The following AMPD1 variants were observed in gnomAD, a reference collection of about 807,000 sequenced individuals.
AMPD1 encodes adenosine monophosphate deaminase 1, also known as AMP deaminase 1.
In AMPD1, 74 loss-of-function variants were observed where a neutral mutation model predicts 82.9. The observed-to-expected ratio is 0.89, with a 90% CI of 0.74 to 1.08. The LOEUF (loss-of-function observed/expected upper bound fraction) is 1.08. Ranked by LOEUF, AMPD1 falls within the 50% of genes least tolerant of loss-of-function variation. The pLI is 0.00. For synonymous variants in AMPD1, 333 were observed against 320.5 expected, an observed-to-expected ratio of 1.04 and a Z score of -0.42; for missense variants, 881 against 924.5, an observed-to-expected ratio of 0.95 and a Z score of 0.61.
intron 4 of AMPD1, among the ~76,000 whole-genome samples, chr1:114,685,266 T>C (rs1658279791): frequency 6.6e-6 from 1 of 152,166 alleles, no homozygotes; most frequent in Non-Finnish European, 1.5e-5. Context: ...TGCCACCTAA[T>C]AGGCCACTAG....
chr1:114,689,264 G>A (rs755861737), intron 2 of AMPD1, among the ~76,000 whole-genome samples: 7 of 152,148 alleles, frequency 4.6e-5, no homozygotes, highest in Non-Finnish European at 8.8e-5. Context: ...GACAGATACT[G>A]TGTTTCTCTC....
intron 2 of AMPD1, among the ~76,000 whole-genome samples, chr1:114,690,109 C>T (rs1557974580): frequency 6.6e-6 from 1 of 152,118 alleles, no homozygotes; most frequent in Non-Finnish European, 1.5e-5. Flanking sequence ...CTATACAGAC[C>T]TGCAAAAGTC....
chr1:114,678,099 A>T (rs1381355502), intron 8 of AMPD1, 58 bp from the exon 9 acceptor site: 20 of 1,608,128 alleles, frequency 1.2e-5, no homozygotes, highest in Non-Finnish European at 1.7e-5. Context: ...GGACAGAGAG[A>T]GCTAGGAAAT....
chr1:114,690,763 C>T (rs185672223), intron 2 of AMPD1, among the ~76,000 whole-genome samples: 21 of 152,198 alleles, frequency 1.4e-4, no homozygotes, highest in Admixed American at 1.2e-3. Context: ...CTAAGCATCA[C>T]GAGCAAGCAC....
At chr1:114,683,771 G>A (rs975572298) in intron 5 of AMPD1, among the ~76,000 whole-genome samples, 1 of 152,138 alleles carries the variant, frequency 6.6e-6, no homozygotes, top group African/African-American at 2.4e-5. Flanking sequence ...GGGGCCAGAG[G>A]GTGTGGGCCT....
intron 4 of AMPD1, 135 bp downstream of exon 4, chr1:114,686,610 T>G: frequency 1.1e-6 from 1 of 873,736 alleles, no homozygotes; most frequent in Non-Finnish European, 1.9e-6. Flanking sequence ...AGTATTGAAA[T>G]GCAATAATGA....
At position 114,678,409 on chromosome 1, in the gene AMPD1, A is replaced by G. The variant is rs1262347284; in HGVS notation, c.1016T>C (p.Leu339Pro). 6.2e-7 allele frequency: 1 copy of G among 1,614,204 alleles called. No homozygotes were observed. Among genetic ancestry groups the G allele is most frequent in the Non-Finnish European group, 8.5e-7 (1 of 1,180,024 alleles). ...TTTAGCAAAAAGTTCCTTTAGGGTCAGATTCTTCTCTTTGGTGCTATAGAC... is the reference window on the plus strand; with the variant it reads ...TTTAGCAAAAAGTTCCTTTAGGGTCGGATTCTTCTCTTTGGTGCTATAGAC... ...RVVYSTKEKN[L>P]TLKELFAKLK... The change falls in exon 8 of 16, where the codon CTG (leucine) becomes CCG (proline). Residue 339 changes from leucine to proline, a missense_variant. Coordinates refer to ENST00000520113, the MANE Select transcript of AMPD1 (RefSeq NM_000036.3).
At chr1:114,692,466 A>C (rs1410819860) in intron 2 of AMPD1, among the ~76,000 whole-genome samples, 1 of 152,152 alleles carries the variant, frequency 6.6e-6, no homozygotes, top group African/African-American at 2.4e-5. Context: ...TGGGTGGATC[A>C]CTTGAGGTCA....
Position 114,675,910 on chromosome 1 carries a change from C to T in AMPD1, c.1482G>A (p.Gln494=). The change falls in exon 11 of 16, where the codon CAG becomes CAA. Residue 494 remains glutamine (Q), a synonymous_variant. Coordinates refer to ENST00000520113, the MANE Select transcript of AMPD1 (RefSeq NM_000036.3). ...GGAAGACACTGAGTTCTGGGTCAGC[C>T]TGGGGGTTGATGGTGGCCTCAAACA... ...MPVFEATINP[Q]ADPELSVFLK... The T allele has an allele frequency of 6.2e-7, 1 of 1,614,184 alleles. No individual in the cohort carries two copies. The highest frequency in any genetic ancestry group is 8.5e-7 in the Non-Finnish European group (1 of 1,180,026).
chr1:114,695,305 TTG>T, intron 1 of AMPD1, 143 bp downstream of exon 1: 1 of 1,265,294 alleles, frequency 7.9e-7, no homozygotes, highest in Non-Finnish European at 1.1e-6. Flanking sequence ...TGAAAATATT[TTG>T]TGTTTTCCTG....
intron 5 of AMPD1, 82 bp downstream of exon 5, chr1:114,684,117 A>G (rs1029814082): frequency 2.1e-6 from 3 of 1,412,406 alleles, no homozygotes; most frequent in Admixed American, 1.9e-5. Context: ...TGGATTACTT[A>G]TAATCTAGAG....
At chr1:114,693,390 A>T (rs761845775) in intron 2 of AMPD1, 46 bp downstream of exon 2, 9 of 1,585,148 alleles carry the variant, frequency 5.7e-6, no homozygotes, top group Admixed American at 1.7e-5. Flanking sequence ...TCATTTTTTT[A>T]AATTGATACT....
At chr1:114,685,103 C>T (rs1658272105) in intron 4 of AMPD1, among the ~76,000 whole-genome samples, 1 of 152,156 alleles carries the variant, frequency 6.6e-6, no homozygotes, top group South Asian at 2.1e-4. Context: ...TGTGGGACTA[C>T]CATATGCTTG....
Position 114,673,170 on chromosome 1 carries a change from C to T in AMPD1, c.2188G>A (p.Glu730Lys). 6.2e-7 allele frequency: 1 copy of T among 1,614,124 alleles called. No homozygotes were observed. Among genetic ancestry groups the T allele is most frequent in the Non-Finnish European group, 8.5e-7 (1 of 1,180,002 alleles). ...AAATTGAGTTCATAACACCAGGTTT[C>T]ATAGCGATAGGCCATGCGGATTTGG... is the stretch of plus-strand genomic sequence containing the variant. The part of the protein sequence containing the change: ...VAQIRMAYRY[E>K]TWCYELNLIA... Residue 730 changes from glutamate to lysine, a missense_variant, in exon 16 of 16, where the codon GAA becomes AAA. Physicochemically the swap from Glu to Lys is moderately conservative, Grantham distance 56. Coordinates refer to ENST00000520113, the MANE Select transcript of AMPD1 (RefSeq NM_000036.3).
chr1:114,677,018 T>C (rs994211201), intron 10 of AMPD1, among the ~76,000 whole-genome samples: 1 of 152,082 alleles, frequency 6.6e-6, no homozygotes, highest in Non-Finnish European at 1.5e-5. Context: ...TGGGAAGGAA[T>C]GGACTTGACA....
Position 114,684,218 on chromosome 1 carries a change from T to A in AMPD1, c.528A>T (p.Ala176=). The change falls in exon 5 of 16, where the codon GCA becomes GCT. Residue 176 remains alanine (A), a synonymous_variant. Coordinates refer to ENST00000520113, the MANE Select transcript of AMPD1 (RefSeq NM_000036.3). ...TGTTACCTGGATAGAAGCTCTCATT[T>A]GCTACCCAAGCCTCACCATCAATGT... ...LRNIDGEAWV[A]NESFYPVFTP... 1 of 1,614,220 alleles carries A rather than the reference T, an allele frequency of 6.2e-7. No homozygotes were observed. The highest frequency in any genetic ancestry group is 8.5e-7 in the Non-Finnish European group (1 of 1,180,038).
At position 114,688,628 on chromosome 1, in the gene AMPD1, A is replaced by ATGTCCG. The variant is rs760986384; in HGVS notation, c.147_148insCGGACA (p.Ile49_Ser50insArgThr). The ATGTCCG allele has an allele frequency of 5.0e-6, 8 of 1,614,066 alleles. No homozygotes were observed. The highest frequency in any genetic ancestry group is 1.3e-5 in the African/African-American group (1 of 74,912). ...ATGTGTGCTTGCATCTCATGATGAG[A>ATGTCCG]AATCGGACAGATCTCATCCACATCA... On this transcript the variant is annotated inframe_insertion, in exon 3 of 16. Transcript: ENST00000520113.
Position 114,688,467 on chromosome 1 carries a change from T to G in AMPD1, c.215+94A>C, listed in dbSNP as rs1380515704. 8.4e-6 allele frequency: 12 copies of G among 1,421,852 alleles called. 1 individual carries two copies. In the South Asian group the frequency reaches 1.3e-4, roughly 15 times the overall value. The allele number at this position is 1,421,852 out of a possible 1,614,324, so 88.1% of individuals were successfully genotyped here. Reference sequence around the variant, plus strand: ...CTCTGGCAGAGTTCTTCCTCTGAGTTGAACCATCATTTGGATAAATTGAAC... The same window carrying G: ...CTCTGGCAGAGTTCTTCCTCTGAGTGGAACCATCATTTGGATAAATTGAAC... On this transcript the variant is annotated intron_variant, in intron 3 of 15. Transcript: ENST00000520113.
intron 12 of AMPD1, chr1:114,675,098 G>A (rs1227445923): frequency 1.7e-6 from 1 of 595,282 alleles, no homozygotes; most frequent in Non-Finnish European, 3.0e-6. Context: ...TTGCCTGGAT[G>A]GAAATACGTT....
Sources: allele counts gnomAD v4.1 joint callset (sites outside exome capture counted in the v4.1 genomes callset), GRCh38; gene constraint gnomAD v4.1.1; transcripts MANE v1.5; gene names NCBI Gene and HGNC (gene_info 2026-07-23, HGNC 2026-07-21).